Variants in SHC3 observed in about 807,000 individuals in gnomAD.
The protein encoded by SHC3 is SHC-transforming protein 3.
A neutral mutation model predicts 60.4 loss-of-function variants in SHC3; 15 were observed. That is an observed-to-expected ratio of 0.25 (90% confidence interval 0.17 to 0.38). The LOEUF (loss-of-function observed/expected upper bound fraction) is 0.38, where lower values mean the gene tolerates loss of function less well. Among genes scored for constraint, SHC3 ranks in the 10% least tolerant of loss-of-function variants. The pLI is 1.00. For missense variants in SHC3, 677 were observed against 786.1 expected, an observed-to-expected ratio of 0.86 and a Z score of 1.66; for synonymous variants, 294 against 325.9, an observed-to-expected ratio of 0.90 and a Z score of 1.05.
intron 3 of SHC3, among the ~76,000 whole-genome samples, chr9:89,077,190 A>AC (rs1825372848): frequency 6.6e-6 from 1 of 152,062 alleles, no homozygotes; most frequent in African/African-American, 2.4e-5. Context: ...AAAACAAAAA[A>AC]AAAAACAAAA....
At chr9:89,030,212 AG>A (rs1304788111) in intron 11 of SHC3, among the ~76,000 whole-genome samples, 1 of 152,230 alleles carries the variant, frequency 6.6e-6, no homozygotes, top group Admixed American at 6.5e-5. Flanking sequence ...GCTTAATAAC[AG>A]AACACCAAAA....
At chr9:89,170,560 G>A (rs553032783) in intron 1 of SHC3, among the ~76,000 whole-genome samples, 3 of 152,284 alleles carry the variant, frequency 2.0e-5, no homozygotes, top group East Asian at 3.9e-4. Flanking sequence ...AGGGAGGATC[G>A]CTTGAGCCTG....
chr9:89,029,504 C>T (rs1824437033), intron 11 of SHC3, among the ~76,000 whole-genome samples: 2 of 152,106 alleles, frequency 1.3e-5, no homozygotes, highest in South Asian at 4.1e-4. Context: ...AAAATTTATG[C>T]TCATGCACCT....
chr9:89,026,347 TA>T (rs966292901), intron 11 of SHC3, among the ~76,000 whole-genome samples: 14 of 151,756 alleles, frequency 9.2e-5, no homozygotes, highest in African/African-American at 3.4e-4. Context: ...ATCTGCATGG[TA>T]AAACCTTGGT....
rs369836581 is a variant in SHC3, at chr9:89,153,084, G to A, written c.474+24903C>T. On this transcript the variant is annotated intron_variant, in intron 1 of 11. Transcript: ENST00000375835. ...GTGATGTGTGTATAAATATGTGCTC[G>A]TTGAGCTGATTATTTAAGGTTTTGT... Among the ~76,000 whole-genome samples, 141 of 152,252 alleles carry A rather than the reference G, an allele frequency of 9.3e-4. 3 individuals are homozygous for A. The South Asian group carries it at 0.022, about 24-fold the overall frequency.
At chr9:89,157,606 A>G (rs1470893518) in intron 1 of SHC3, among the ~76,000 whole-genome samples, 1 of 152,106 alleles carries the variant, frequency 6.6e-6, no homozygotes, top group Non-Finnish European at 1.5e-5. Context: ...ATTTTTGTCA[A>G]TCTTCCTAAG....
chr9:89,013,306 C>A lies in SHC3; in HGVS notation c.*141G>T. The A allele has an allele frequency of 9.3e-7, 1 of 1,069,650 alleles. No homozygotes were observed. The highest frequency in any genetic ancestry group is 1.3e-6 in the Non-Finnish European group (1 of 799,682). 66.3% of individuals were successfully genotyped at this position (1,069,650 alleles called of 1,614,324 possible). A position where few individuals can be genotyped will look rare whatever the true frequency, so the allele number is the denominator to read the frequency against. On this transcript the variant is annotated 3_prime_UTR_variant, in exon 12 of 12. Transcript: ENST00000375835. The stretch of plus-strand genomic sequence containing the variant: ...TCAGAACCAAGTTTATGAAACTTGA[C>A]CTTAAAGGAAGCCTTCCTTTTGAAG...
At chr9:89,162,815 A>C (rs879648249) in intron 1 of SHC3, among the ~76,000 whole-genome samples, 30 of 148,228 alleles carry the variant, frequency 2.0e-4, no homozygotes, top group African/African-American at 4.8e-4. Flanking sequence ...CAACCTACAA[A>C]ATGGGAGAAA....
At chr9:89,162,246 A>C (rs1421752160) in intron 1 of SHC3, among the ~76,000 whole-genome samples, 2 of 149,602 alleles carry the variant, frequency 1.3e-5, no homozygotes, top group Non-Finnish European at 1.5e-5. Flanking sequence ...AAACTACTTT[A>C]AAGTTCATAT....
At chr9:89,122,169 C>T (rs1826101594) in intron 1 of SHC3, among the ~76,000 whole-genome samples, 1 of 152,226 alleles carries the variant, frequency 6.6e-6, no homozygotes, top group Non-Finnish European at 1.5e-5. Context: ...TGCACTCATA[C>T]ACAGACCATT....
intron 2 of SHC3, among the ~76,000 whole-genome samples, chr9:89,111,699 G>A (rs1295798620): frequency 6.6e-6 from 1 of 152,168 alleles, no homozygotes; most frequent in Non-Finnish European, 1.5e-5. Context: ...AGCAGCTAAT[G>A]ACTAAACCAG....
intron 2 of SHC3, among the ~76,000 whole-genome samples, chr9:89,092,865 CA>C (rs1316894288): frequency 2.6e-5 from 4 of 151,856 alleles, no homozygotes. Flanking sequence ...TTATGAAAAG[CA>C]TCTATTGTTT....
intron 11 of SHC3, among the ~76,000 whole-genome samples, chr9:89,029,469 A>G (rs1587683465): frequency 6.6e-6 from 1 of 152,200 alleles, no homozygotes; most frequent in Non-Finnish European, 1.5e-5. Flanking sequence ...ACTGAAAAAC[A>G]TATTTTCAGA....
At chr9:89,019,385 G>T (rs1826160498) in intron 11 of SHC3, among the ~76,000 whole-genome samples, 1 of 152,022 alleles carries the variant, frequency 6.6e-6, no homozygotes, top group Non-Finnish European at 1.5e-5. Context: ...GTGGTCAGAA[G>T]GCCTCACCTA....
intron 1 of SHC3, among the ~76,000 whole-genome samples, chr9:89,161,422 C>A (rs1488750837): frequency 6.6e-6 from 1 of 152,170 alleles, no homozygotes; most frequent in Admixed American, 6.5e-5. Flanking sequence ...GCTTTCTGTA[C>A]AGCCTGCAGA....
chr9:89,110,333 G>A, intron 2 of SHC3: 4 of 984,812 alleles, frequency 4.1e-6, no homozygotes, highest in Non-Finnish European at 4.8e-6. Flanking sequence ...AGGTGTGACT[G>A]GAGTGCCTTT....
At chr9:89,054,911 A>G (rs1225184320) in intron 6 of SHC3, among the ~76,000 whole-genome samples, 1 of 152,228 alleles carries the variant, frequency 6.6e-6, no homozygotes, top group African/African-American at 2.4e-5. Flanking sequence ...CAATAAAAAA[A>G]GCTGAAGCCA....
chr9:89,078,977 G>A (rs1825405634), intron 2 of SHC3, among the ~76,000 whole-genome samples: 1 of 152,178 alleles, frequency 6.6e-6, no homozygotes, highest in South Asian at 2.1e-4. Flanking sequence ...TAACAACACA[G>A]TGCTTTGAAG....
At chr9:89,014,708 G>C (rs1826066731) in intron 11 of SHC3, among the ~76,000 whole-genome samples, 1 of 152,024 alleles carries the variant, frequency 6.6e-6, no homozygotes, top group African/African-American at 2.4e-5. Flanking sequence ...AATTCTCATT[G>C]TGACTCCTGC....
Sources: allele counts gnomAD v4.1 joint callset (sites outside exome capture counted in the v4.1 genomes callset), GRCh38; gene constraint gnomAD v4.1.1; transcripts MANE v1.5; gene names NCBI Gene and HGNC (gene_info 2026-07-23, HGNC 2026-07-21).